Variants in ASIC2 observed in about 807,000 individuals in gnomAD.
ASIC2 encodes acid sensing ion channel subunit 2.
In ASIC2, 25 loss-of-function variants were observed where a neutral mutation model predicts 57.3. The observed-to-expected ratio is 0.44, with a 90% CI of 0.32 to 0.61. ASIC2 has a LOEUF of 0.61. Among genes scored for constraint, ASIC2 ranks in the 20% least tolerant of loss-of-function variants. The pLI, the probability that ASIC2 is intolerant of heterozygous loss-of-function variation, is 0.06. For missense variants in ASIC2, 641 were observed against 738.1 expected (o/e 0.87, Z 1.52); for synonymous variants, 319 against 307.5 (o/e 1.04, Z -0.39).
chr17:33,497,722 G>T (rs1264900075), intron 1 of ASIC2, among the ~76,000 whole-genome samples: 1 of 152,142 alleles, frequency 6.6e-6, no homozygotes, highest in Non-Finnish European at 1.5e-5. Context: ...CCTTACAATC[G>T]CCCTGAGGGA....
chr17:33,396,505 T>C (rs1721275371), intron 1 of ASIC2, among the ~76,000 whole-genome samples: 1 of 152,186 alleles, frequency 6.6e-6, no homozygotes, highest in African/African-American at 2.4e-5. Flanking sequence ...AATTAAGTGA[T>C]TTTCTCAGGA....
chr17:33,741,860 C>T (rs748200672), intron 1 of ASIC2, among the ~76,000 whole-genome samples: 7 of 152,196 alleles, frequency 4.6e-5, no homozygotes, highest in Non-Finnish European at 5.9e-5. Flanking sequence ...GAGTTTGGAA[C>T]AGAGGATGTC....
chr17:33,280,215 G>T (rs972985877), intron 1 of ASIC2, among the ~76,000 whole-genome samples: 1 of 151,990 alleles, frequency 6.6e-6, no homozygotes, highest in Non-Finnish European at 1.5e-5. Context: ...ACTCATCCCC[G>T]GCCGGAATTA....
intron 1 of ASIC2, among the ~76,000 whole-genome samples, chr17:33,375,497 G>T (rs760982786): frequency 2.6e-5 from 4 of 152,116 alleles, no homozygotes; most frequent in Non-Finnish European, 5.9e-5. Flanking sequence ...TGAAGTTTAC[G>T]GCACACTATT....
chr17:33,883,573 ACTCCAAATCTGTT>A (rs1597915739), intron 1 of ASIC2, among the ~76,000 whole-genome samples: 2 of 152,040 alleles, frequency 1.3e-5, no homozygotes, highest in African/African-American at 4.8e-5. Context: ...ACACAGATGA[ACTCCAAATCTGTT>A]CTAGCCCCAT....
At chr17:34,141,439 T>C (rs1257692860) in intron 1 of ASIC2, among the ~76,000 whole-genome samples, 1 of 152,248 alleles carries the variant, frequency 6.6e-6, no homozygotes, top group Non-Finnish European at 1.5e-5. Flanking sequence ...TGGAAAATTT[T>C]CAGAGCCTAC....
At chr17:34,016,461 T>C (rs1020826259) in intron 1 of ASIC2, among the ~76,000 whole-genome samples, 5 of 145,860 alleles carry the variant, frequency 3.4e-5, no homozygotes, top group African/African-American at 7.8e-5. Flanking sequence ...ACAATGCAAC[T>C]GCCCATCATG....
chr17:34,144,427 T>G (rs1392277721), intron 1 of ASIC2, among the ~76,000 whole-genome samples: 3 of 152,208 alleles, frequency 2.0e-5, no homozygotes, highest in Non-Finnish European at 4.4e-5. Flanking sequence ...GACTTCCTGA[T>G]ACTACACTGT....
At chr17:33,514,038 C>T (rs964605095) in intron 1 of ASIC2, among the ~76,000 whole-genome samples, 1 of 152,188 alleles carries the variant, frequency 6.6e-6, no homozygotes, top group Non-Finnish European at 1.5e-5. Flanking sequence ...CATGGAACCT[C>T]GTGTACCTCG....
chr17:33,153,243 G>A (rs1904872832), intron 1 of ASIC2, among the ~76,000 whole-genome samples: 1 of 152,336 alleles, frequency 6.6e-6, no homozygotes, highest in Middle Eastern at 3.4e-3. Context: ...GGTTCTCCCC[G>A]ATGCTCTGCC....
chr17:33,478,679 G>A (rs1487440885), intron 1 of ASIC2, among the ~76,000 whole-genome samples: 1 of 152,142 alleles, frequency 6.6e-6, no homozygotes, highest in Non-Finnish European at 1.5e-5. Flanking sequence ...TGTGAGAGCT[G>A]GAAGAGTCCC....
intron 1 of ASIC2, among the ~76,000 whole-genome samples, chr17:34,030,366 T>A (rs1392344297): frequency 1.3e-5 from 2 of 152,150 alleles, no homozygotes; most frequent in South Asian, 2.1e-4. Flanking sequence ...ACCATCCGAA[T>A]GTTTGAGGAG....
intron 1 of ASIC2, among the ~76,000 whole-genome samples, chr17:33,587,616 A>G (rs1023911991): frequency 6.6e-6 from 1 of 152,184 alleles, no homozygotes; most frequent in African/African-American, 2.4e-5. Context: ...GACTGCCATG[A>G]TTAGCTTAGG....
At chr17:33,699,168 T>A (rs1908620920) in intron 1 of ASIC2, among the ~76,000 whole-genome samples, 1 of 152,178 alleles carries the variant, frequency 6.6e-6, no homozygotes. Flanking sequence ...ACACTGGTTC[T>A]CTCCTCACAA....
At position 33,013,284 on chromosome 17, in the gene ASIC2, C is replaced by T. The variant is rs1464655147; in HGVS notation, c.*681G>A. The T allele has an allele frequency of 1.3e-5, 2 of 152,976 alleles. No homozygotes were observed. The highest frequency in any genetic ancestry group is 4.8e-5 in the African/African-American group (2 of 41,450). The allele number at this position is 152,976 out of a possible 1,614,324, so 9.5% of individuals were successfully genotyped here. On this transcript the variant is annotated 3_prime_UTR_variant, in exon 10 of 10. Transcript: ENST00000225823. ...CCCAGATAAAAAGAATCAGACTGTA[C>T]AAGCTGTGTCACAGGGAGAGAAGAA...
intron 1 of ASIC2, among the ~76,000 whole-genome samples, chr17:33,827,441 C>T (rs2141897843): frequency 6.7e-6 from 1 of 149,740 alleles, no homozygotes; most frequent in South Asian, 2.1e-4. Flanking sequence ...ACGCCGTTCT[C>T]CTGCCTCAGC....
chr17:33,859,549 C>T (rs1914051454), intron 1 of ASIC2, among the ~76,000 whole-genome samples: 1 of 152,078 alleles, frequency 6.6e-6, no homozygotes, highest in Non-Finnish European at 1.5e-5. Flanking sequence ...GAGTGAGATC[C>T]CTGTTGGCTG....
intron 1 of ASIC2, among the ~76,000 whole-genome samples, chr17:33,787,570 G>A: frequency 6.6e-6 from 1 of 152,154 alleles, no homozygotes; most frequent in Non-Finnish European, 1.5e-5. Flanking sequence ...TTCTCTAACA[G>A]GTGCCAAGGA....
chr17:33,462,067 T>A (rs1313441339), intron 1 of ASIC2, among the ~76,000 whole-genome samples: 1 of 152,192 alleles, frequency 6.6e-6, no homozygotes, highest in Non-Finnish European at 1.5e-5. Flanking sequence ...GATATTCAGG[T>A]AAGCATTTTG....
Sources: gnomAD v4.1 joint callset for allele counts (sites outside exome capture counted in the v4.1 genomes callset) on GRCh38, gnomAD v4.1.1 for gene constraint, MANE v1.5 for transcripts, NCBI Gene and HGNC (gene_info 2026-07-23, HGNC 2026-07-21) for gene names.